The following STAM variants were observed in gnomAD, a reference collection of about 807,000 sequenced individuals.
The protein encoded by STAM is signal transducing adaptor molecule.
A neutral mutation model predicts 63.4 loss-of-function variants in STAM; 16 were observed. The ratio of observed to expected loss-of-function variants is 0.25; its 90% CI spans 0.17 to 0.38. The LOEUF (loss-of-function observed/expected upper bound fraction) is 0.38. Among genes scored for constraint, STAM ranks in the 10% least tolerant of loss-of-function variants. STAM has a pLI of 1.00. For missense variants in STAM, 636 were observed against 657.1 expected (o/e 0.97, Z 0.35); for synonymous variants, 238 against 223.9 (o/e 1.06, Z -0.56).
intron 4 of STAM, among the ~76,000 whole-genome samples, chr10:17,686,971 C>T (rs1554826152): frequency 6.6e-6 from 1 of 152,168 alleles, no homozygotes. Flanking sequence ...TCTATTACAT[C>T]AAATAGTAAG....
At chr10:17,703,008 C>CAAAAAAAAAAAAAAAA (rs71507229) in intron 9 of STAM, among the ~76,000 whole-genome samples, 7 of 67,836 alleles carry the variant, frequency 1.0e-4, no homozygotes, top group Non-Finnish European at 1.5e-4. Flanking sequence ...GACTCCATCT[C>CAAAAAAAAAAAAAAAA]AAAAAAAAAA....
chr10:17,700,434 T>C (rs1005362227), intron 9 of STAM, among the ~76,000 whole-genome samples, 155 bp downstream of exon 9: 5 of 152,200 alleles, frequency 3.3e-5, no homozygotes, highest in African/African-American at 7.2e-5. Flanking sequence ...CAGACTGTTT[T>C]TTGAAACTTC....
intron 2 of STAM, among the ~76,000 whole-genome samples, chr10:17,672,448 C>T (rs1434013042): frequency 2.0e-5 from 3 of 152,206 alleles, no homozygotes; most frequent in Non-Finnish European, 4.4e-5. Flanking sequence ...TCTTTTCCAG[C>T]CTCCTCAGAT....
intron 1 of STAM, among the ~76,000 whole-genome samples, chr10:17,656,770 G>A (rs1228419290): frequency 3.3e-5 from 5 of 152,170 alleles, no homozygotes; most frequent in South Asian, 2.1e-4. Flanking sequence ...TCTAAGGGGC[G>A]TAAGGCAGAA....
intron 1 of STAM, among the ~76,000 whole-genome samples, chr10:17,645,339 T>C (rs2131547311): frequency 6.6e-6 from 1 of 152,326 alleles, no homozygotes; most frequent in East Asian, 1.9e-4. Flanking sequence ...TACTTGTCTT[T>C]GTGTATTTTA....
At position 17,714,592 on chromosome 10, in the gene STAM, G is replaced by C. The variant is rs1554830525; in HGVS notation, c.1435G>C (p.Val479Leu). 1 of 1,614,194 alleles carries C rather than the reference G, an allele frequency of 6.2e-7. No homozygotes were observed. The change falls in exon 14 of 14, where the codon GTA becomes CTA. Residue 479 changes from valine (V) to leucine (L), a missense_variant. Val to Leu is a conservative substitution (Grantham distance 32). This residue lies in a region of STAM where 532 missense variants were observed against 536.9 expected (regional missense o/e 0.99). Transcript: ENST00000377524. ...AAACACATATCCCAGCCAGGCGCCAGTATATAGTCCTCCTCCTGCCGCTAC... is the reference window on the plus strand; with the variant it reads ...AAACACATATCCCAGCCAGGCGCCACTATATAGTCCTCCTCCTGCCGCTAC... Reference protein sequence around the residue: ...QGNTYPSQAPVYSPPPAATAA... With the variant: ...QGNTYPSQAPLYSPPPAATAA...
intron 2 of STAM, among the ~76,000 whole-genome samples, chr10:17,680,490 G>A (rs958206569): frequency 6.7e-6 from 1 of 150,012 alleles, no homozygotes; most frequent in African/African-American, 2.5e-5. Context: ...TGGCGCAATC[G>A]TGGCTCACTG....
intron 2 of STAM, among the ~76,000 whole-genome samples, chr10:17,678,337 C>G (rs2570285): frequency 0.082 from 12,432 of 151,928 alleles, 550 homozygotes; most frequent in Admixed American, 0.12. Context: ...TCACTGTAAC[C>G]TGCACCTCCC....
At chr10:17,688,210 T>G in intron 5 of STAM, 37 bp downstream of exon 5, 1 of 1,427,426 alleles carries the variant, frequency 7.0e-7, no homozygotes, top group Non-Finnish European at 9.2e-7. Context: ...TGCTACAGTT[T>G]GTTTCTCTTA....
At chr10:17,683,294 C>T (rs533998412) in intron 2 of STAM, among the ~76,000 whole-genome samples, 4 of 152,086 alleles carry the variant, frequency 2.6e-5, no homozygotes, top group East Asian at 3.9e-4. Context: ...CCATTCACTG[C>T]GCCCATAGGA....
chr10:17,714,795 C>T lies in STAM; in HGVS notation c.*15C>T. The T allele has an allele frequency of 4.4e-6, 7 of 1,609,042 alleles. No individual in the cohort carries two copies. Among genetic ancestry groups the T allele is most frequent in the Non-Finnish European group, 5.1e-6 (6 of 1,175,348 alleles). On this transcript the variant is annotated 3_prime_UTR_variant, in exon 14 of 14. Coordinates refer to ENST00000377524, the MANE Select transcript of STAM (RefSeq NM_003473.4). ...CTCTGCTATAGGACCCGGTGTTCCT[C>T]TTGGTGGCAGATACCTGCTAAATGC...
intron 1 of STAM, among the ~76,000 whole-genome samples, chr10:17,659,439 G>A (rs1834073101): frequency 6.8e-6 from 1 of 146,164 alleles, no homozygotes; most frequent in Non-Finnish European, 1.5e-5. Context: ...TTATCTTCGG[G>A]TATTCCATCT....
intron 2 of STAM, among the ~76,000 whole-genome samples, chr10:17,670,421 GT>G (rs1390347259): frequency 1.3e-5 from 2 of 152,038 alleles, no homozygotes; most frequent in African/African-American, 2.4e-5. Flanking sequence ...CCCATTTTAT[GT>G]TTTTTTCTAC....
At chr10:17,656,624 G>A (rs1249953545) in intron 1 of STAM, among the ~76,000 whole-genome samples, 1 of 152,182 alleles carries the variant, frequency 6.6e-6, no homozygotes, top group Non-Finnish European at 1.5e-5. Context: ...CATGGCATAT[G>A]TAATTCTTTT....
Position 17,644,153 on chromosome 10 carries a change from T to G in STAM, c.-187T>G. 1 of 639,932 alleles carries G rather than the reference T, an allele frequency of 1.6e-6. No individual in the cohort carries two copies. The highest frequency in any genetic ancestry group is 2.8e-6 in the Non-Finnish European group (1 of 359,792). The allele number at this position is 639,932 out of a possible 1,614,324, so 39.6% of individuals were successfully genotyped here. A position where few individuals can be genotyped will look rare whatever the true frequency, so the allele number is the denominator to read the frequency against. Reference sequence around the variant, plus strand: ...TCCGCGCGGGGGCTTCCTCGGCTCCTTGCTGTTGCCGCCGCCGCAGCTGCT... The same window carrying G: ...TCCGCGCGGGGGCTTCCTCGGCTCCGTGCTGTTGCCGCCGCCGCAGCTGCT... On this transcript the variant is annotated 5_prime_UTR_variant, in exon 1 of 14. Coordinates refer to ENST00000377524, the MANE Select transcript of STAM (RefSeq NM_003473.4).
At chr10:17,712,007 T>C (rs1836577664) in intron 13 of STAM, among the ~76,000 whole-genome samples, 2 of 152,192 alleles carry the variant, frequency 1.3e-5, no homozygotes, top group South Asian at 4.1e-4. Flanking sequence ...GGTGACATGG[T>C]TGGGAGACAG....
chr10:17,666,556 A>C (rs995190366), intron 2 of STAM, among the ~76,000 whole-genome samples: 1 of 151,860 alleles, frequency 6.6e-6, no homozygotes, highest in Non-Finnish European at 1.5e-5. Context: ...CACCATGCCC[A>C]GCTAATTTTT....
chr10:17,644,272 C>G lies in STAM; in HGVS notation c.-68C>G. The G allele has an allele frequency of 6.4e-7, 1 of 1,570,988 alleles. No homozygotes were observed. The highest frequency in any genetic ancestry group is 8.8e-7 in the Non-Finnish European group (1 of 1,141,646). On this transcript the variant is annotated 5_prime_UTR_variant, in exon 1 of 14. Transcript: ENST00000377524. ...CTTTTTGCCTGAGGAGTCTTCCATC[C>G]TACGTCGAGCTCTGACTCCCGTGCT... is the stretch of plus-strand genomic sequence containing the variant.
At position 17,704,960 on chromosome 10, in the gene STAM, G is replaced by C. The variant is rs1836190899; in HGVS notation, c.1001-10G>C. On this transcript the variant is annotated splice_polypyrimidine_tract_variant and intron_variant, in intron 10 of 13. Coordinates refer to ENST00000377524, the MANE Select transcript of STAM (RefSeq NM_003473.4). ...ACTTTCTTATATTTCTTCACATCTT[G>C]TCATTTTAGCAATGTGTCACCAGAT... The C allele has an allele frequency of 6.2e-7, 1 of 1,604,614 alleles. No homozygotes were observed. Among genetic ancestry groups the C allele is most frequent in the Admixed American group, 1.7e-5 (1 of 59,434 alleles).
Sources: allele counts gnomAD v4.1 joint callset (sites outside exome capture counted in the v4.1 genomes callset), GRCh38; gene constraint gnomAD v4.1.1; regional missense constraint gnomAD v4.1.1; transcripts MANE v1.5; gene names NCBI Gene and HGNC (gene_info 2026-07-23, HGNC 2026-07-21).